Variants in MAPK6 observed in about 807,000 individuals in gnomAD.
MAPK6 encodes mitogen-activated protein kinase 6, also known as ERK-3.
A neutral mutation model predicts 59.3 loss-of-function variants in MAPK6; 19 were observed. The observed-to-expected ratio is 0.32, with a 90% CI of 0.22 to 0.47. The LOEUF is 0.47. Ranked by LOEUF, MAPK6 falls within the 20% of genes least tolerant of loss-of-function variation. The pLI, the probability that MAPK6 is intolerant of heterozygous loss-of-function variation, is 1.00. For synonymous variants in MAPK6, 316 were observed against 290.3 expected (o/e 1.09, Z -0.90); for missense variants, 724 against 847.9 (o/e 0.85, Z 1.81).
At chr15:52,045,392 T>C (rs2031565661) in intron 1 of MAPK6, among the ~76,000 whole-genome samples, 1 of 152,258 alleles carries the variant, frequency 6.6e-6, no homozygotes, top group East Asian at 1.9e-4. Context: ...TAGATTTTTG[T>C]TCATTGGATA....
chr15:52,025,384 T>C (rs971836111), intron 1 of MAPK6, among the ~76,000 whole-genome samples: 2 of 152,258 alleles, frequency 1.3e-5, no homozygotes, highest in Non-Finnish European at 2.9e-5. Flanking sequence ...AGTTGAACTT[T>C]CTATGATGAT....
At chr15:52,058,979 C>T (rs1391889088) in intron 4 of MAPK6, among the ~76,000 whole-genome samples, 182 bp downstream of exon 4, 4 of 152,254 alleles carry the variant, frequency 2.6e-5, no homozygotes, top group African/African-American at 7.2e-5. Context: ...ACTTGGGCTA[C>T]GATCTGTTTT....
chr15:52,039,628 A>C (rs1595991304), intron 1 of MAPK6, among the ~76,000 whole-genome samples: 1 of 149,944 alleles, frequency 6.7e-6, no homozygotes, highest in African/African-American at 2.5e-5. Flanking sequence ...CGATTCTCCA[A>C]CCTCAGCCTC....
intron 1 of MAPK6, among the ~76,000 whole-genome samples, chr15:52,042,089 G>T (rs1313084521): frequency 1.3e-5 from 2 of 152,132 alleles, no homozygotes; most frequent in Non-Finnish European, 2.9e-5. Flanking sequence ...ATGATATAGA[G>T]GTACAGCATT....
intron 1 of MAPK6, among the ~76,000 whole-genome samples, chr15:51,981,773 G>A (rs1461381606): frequency 6.6e-6 from 1 of 152,128 alleles, no homozygotes; most frequent in South Asian, 2.1e-4. Flanking sequence ...GAAAGAATCA[G>A]AAGGAACAAA....
upstream of MAPK6, among the ~76,000 whole-genome samples, chr15:52,015,729 G>T (rs1312553305): frequency 2.0e-5 from 3 of 149,874 alleles, no homozygotes; most frequent in South Asian, 6.4e-4. Context: ...TGGGATTACA[G>T]GCGTGAGTCC....
intron 3 of MAPK6, 110 bp downstream of exon 3, chr15:52,050,247 C>T (rs1451068444): frequency 3.2e-6 from 3 of 935,652 alleles, no homozygotes; most frequent in Admixed American, 6.4e-5. Flanking sequence ...ATCTGTAATA[C>T]TAAAATGAAC....
At chr15:52,012,971 A>G (rs1487220001) in intron 3 of MAPK6, among the ~76,000 whole-genome samples, 6 of 128,392 alleles carry the variant, frequency 4.7e-5, no homozygotes, top group Non-Finnish European at 7.9e-5. Context: ...TGGGCGACAG[A>G]GTGAGACTCC....
intron 2 of MAPK6, among the ~76,000 whole-genome samples, chr15:52,049,542 G>T (rs1219989733): frequency 6.6e-6 from 1 of 150,844 alleles, no homozygotes; most frequent in Non-Finnish European, 1.5e-5. Context: ...TGCCCAGGCT[G>T]GTCTCAAATT....
intron 2 of MAPK6, among the ~76,000 whole-genome samples, chr15:51,984,806 C>T (rs933340533): frequency 6.6e-6 from 1 of 152,076 alleles, no homozygotes; most frequent in Admixed American, 6.6e-5. Flanking sequence ...AAGAGATCTA[C>T]ACAATCAGCT....
chr15:52,025,127 G>C (rs2030716902), intron 1 of MAPK6, among the ~76,000 whole-genome samples: 1 of 152,044 alleles, frequency 6.6e-6, no homozygotes. Context: ...TTTAGTCCCA[G>C]CTACTTATGA....
intron 4 of MAPK6, among the ~76,000 whole-genome samples, chr15:52,060,465 A>ATTGTT (rs535526035): frequency 6.2e-4 from 95 of 152,286 alleles, no homozygotes; most frequent in African/African-American, 2.1e-3. Flanking sequence ...TCACAATGAA[A>ATTGTT]TTGTTTAGTA....
chr15:52,048,691 G>A (rs1595999147), intron 2 of MAPK6, among the ~76,000 whole-genome samples: 1 of 152,186 alleles, frequency 6.6e-6, no homozygotes, highest in South Asian at 2.1e-4. Context: ...CACTTTAGGA[G>A]GCCGGGGCAG....
intron 1 of MAPK6, among the ~76,000 whole-genome samples, chr15:52,032,498 ATATTTT>A (rs1682276735): frequency 6.6e-6 from 1 of 151,140 alleles, no homozygotes; most frequent in Non-Finnish European, 1.5e-5. Context: ...CCGTGGATAG[ATATTTT>A]TAATAGACTT....
intron 1 of MAPK6, among the ~76,000 whole-genome samples, chr15:52,044,698 C>G (rs1256446724): frequency 6.6e-6 from 1 of 151,676 alleles, no homozygotes; most frequent in East Asian, 1.9e-4. Context: ...CTATTTTTTC[C>G]TGCCCTTTTA....
At chr15:52,058,553 A>C in intron 3 of MAPK6, 80 bp from the exon 4 acceptor site, 1 of 1,217,372 alleles carries the variant, frequency 8.2e-7, no homozygotes, top group Non-Finnish European at 1.1e-6. Flanking sequence ...TCATTATAAT[A>C]TTTAAATTAG....
upstream of MAPK6, chr15:52,017,549 C>A: frequency 6.5e-6 from 1 of 152,700 alleles, no homozygotes; most frequent in South Asian, 2.0e-4. Flanking sequence ...ATGTGCAGGT[C>A]ACTGGGGATA....
intron 1 of MAPK6, chr15:52,024,767 G>C (rs2030692388): frequency 6.6e-6 from 1 of 151,934 alleles, no homozygotes; most frequent in Non-Finnish European, 1.5e-5. Context: ...GCCCAGTTTG[G>C]ATTGGAGTGT....
intron 1 of MAPK6, among the ~76,000 whole-genome samples, chr15:51,978,250 A>G (rs1198881694): frequency 6.6e-6 from 1 of 151,410 alleles, no homozygotes; most frequent in Non-Finnish European, 1.5e-5. Flanking sequence ...CTCCTGCCTC[A>G]GCCTCCCGAC....
Sources: gnomAD v4.1 joint callset for allele counts (sites outside exome capture counted in the v4.1 genomes callset) on GRCh38, gnomAD v4.1.1 for gene constraint, MANE v1.5 for transcripts, NCBI Gene and HGNC (gene_info 2026-07-23, HGNC 2026-07-21) for gene names.